ADD2: variants seen among roughly 807,000 people sequenced by gnomAD.
ADD2 encodes the protein adducin 2, also known as beta-adducin.
ADD2 carries 23 observed loss-of-function variants against 83.0 expected under a neutral mutation model. That is an observed-to-expected ratio of 0.28 (90% CI 0.20 to 0.39). The LOEUF is 0.39. Ranked by LOEUF, ADD2 falls within the 10% of genes least tolerant of loss-of-function variation. The pLI, the probability that ADD2 is intolerant of heterozygous loss-of-function variation, is 1.00. For missense variants in ADD2, 758 were observed against 944.9 expected (o/e 0.80, Z 2.59); for synonymous variants, 375 against 375.4 (o/e 1.00, Z 0.01).
At chr2:70,761,703 G>A (rs535921211) in intron 1 of ADD2, among the ~76,000 whole-genome samples, 50 of 147,012 alleles carry the variant, frequency 3.4e-4, no homozygotes, top group Non-Finnish European at 7.0e-4. Flanking sequence ...ACAGAGTATC[G>A]TTCTGTTGCT....
Position 70,677,813 on chromosome 2 carries a change from T to C in ADD2, c.1448A>G (p.Asn483Ser). Residue 483 changes from asparagine (N) to serine (S), a missense_variant, in exon 12 of 16, where the codon AAC becomes AGC. Physicochemically the swap from Asn to Ser is conservative, Grantham distance 46. Coordinates refer to ENST00000264436, the MANE Select transcript of ADD2 (RefSeq NM_001617.4). Reference protein sequence around the residue: ...SGMPIRIENPNQFVPLYTDPQ... With the variant: ...SGMPIRIENPSQFVPLYTDPQ... ...GTCAGTATAGAGAGGCACAAATTGG[T>C]TTGGGTTTTCGATGCGAATCGGCAT... 6.2e-7 allele frequency: 1 copy of C among 1,614,188 alleles called. No individual in the cohort carries two copies.
intron 9 of ADD2, 150 bp from the exon 10 acceptor site, chr2:70,683,917 C>A (rs1297987934): frequency 2.6e-6 from 2 of 763,430 alleles, no homozygotes; most frequent in Non-Finnish European, 3.9e-6. Flanking sequence ...ATGGGCATGC[C>A]CCCATTTCCA....
chr2:70,667,122 C>T (rs1187399348), intron 15 of ADD2, among the ~76,000 whole-genome samples: 1 of 152,166 alleles, frequency 6.6e-6, no homozygotes, highest in Non-Finnish European at 1.5e-5. Context: ...GATGGGAACT[C>T]ACCTTCTAGC....
intron 13 of ADD2, chr2:70,675,351 C>T: frequency 1.0e-6 from 1 of 986,410 alleles, no homozygotes; most frequent in Non-Finnish European, 1.2e-6. Context: ...AGTCCTGTTT[C>T]ACACACAGTT....
intron 4 of ADD2, 58 bp downstream of exon 4, chr2:70,704,263 T>TTCCCC: frequency 2.2e-6 from 2 of 913,238 alleles, no homozygotes; most frequent in East Asian, 2.9e-5. Flanking sequence ...CTCCCTCTCT[T>TTCCCC]CCCCACCCCA....
chr2:70,679,259 T>A (rs1670338309), intron 10 of ADD2, among the ~76,000 whole-genome samples: 1 of 152,090 alleles, frequency 6.6e-6, no homozygotes, highest in African/African-American at 2.4e-5. Flanking sequence ...AGCCACAGAT[T>A]TCCTCTGGTC....
At chr2:70,730,611 A>G (rs2104465410) in intron 1 of ADD2, among the ~76,000 whole-genome samples, 1 of 152,344 alleles carries the variant, frequency 6.6e-6, no homozygotes, top group African/African-American at 2.4e-5. Context: ...CTGAAGTTCA[A>G]TCATTTGAAG....
At chr2:70,735,882 T>A (rs3064844) in intron 1 of ADD2, among the ~76,000 whole-genome samples, 1 of 140,630 alleles carries the variant, frequency 7.1e-6, no homozygotes, top group African/African-American at 2.9e-5. Context: ...TTTTTTTTTT[T>A]AGTAAAGATG....
chr2:70,736,998 A>G (rs1444168141), intron 1 of ADD2, among the ~76,000 whole-genome samples: 1 of 152,210 alleles, frequency 6.6e-6, no homozygotes, highest in Non-Finnish European at 1.5e-5. Flanking sequence ...TGGCCATCAG[A>G]GAAATGCAAA....
chr2:70,687,834 C>T (rs536800038), intron 9 of ADD2, among the ~76,000 whole-genome samples, 190 bp downstream of exon 9: 1 of 152,290 alleles, frequency 6.6e-6, no homozygotes, highest in African/African-American at 2.4e-5. Flanking sequence ...TTTTTCAAAG[C>T]CACAGAACTA....
At chr2:70,695,658 T>C (rs1425268579) in intron 6 of ADD2, 63 bp downstream of exon 6, 1 of 1,496,882 alleles carries the variant, frequency 6.7e-7, no homozygotes, top group Non-Finnish European at 9.3e-7. Flanking sequence ...CCTAGCACTG[T>C]GGGAACAGAG....
intron 2 of ADD2, among the ~76,000 whole-genome samples, chr2:70,712,469 A>AAAT: frequency 6.6e-6 from 1 of 151,798 alleles, no homozygotes; most frequent in Admixed American, 6.6e-5. Context: ...ATAAAAAAAA[A>AAAT]AAAAAAGAAA....
chr2:70,661,585 G>C lies in ADD2; in HGVS notation c.*1840C>G, dbSNP rs1188890860. Reference sequence around the variant, plus strand: ...CCTTCTCAAGAAATAGCCAACTATGGATGGTATTTCCCGCCCCAACCAGAA... The same window carrying C: ...CCTTCTCAAGAAATAGCCAACTATGCATGGTATTTCCCGCCCCAACCAGAA... On this transcript the variant is annotated 3_prime_UTR_variant, in exon 16 of 16. Transcript: ENST00000264436. 6.6e-6 allele frequency: 1 copy of C among 152,146 alleles called. No homozygotes were observed. Among genetic ancestry groups the C allele is most frequent in the African/African-American group, 2.4e-5 (1 of 41,424 alleles). 9.4% of individuals were successfully genotyped at this position (152,146 alleles called of 1,614,324 possible). A position where few individuals can be genotyped will look rare whatever the true frequency, so the allele number is the denominator to read the frequency against.
At chr2:70,713,241 G>A in intron 1 of ADD2, 57 bp from the exon 2 acceptor site, 1 of 693,346 alleles carries the variant, frequency 1.4e-6, no homozygotes, top group Non-Finnish European at 1.8e-6. Flanking sequence ...CTCTTCACCT[G>A]ATTTATAAGA....
chr2:70,660,691 T>G lies in ADD2; in HGVS notation c.*2734A>C, dbSNP rs1370532469. The stretch of plus-strand genomic sequence containing the variant: ...TCATGCTCTGGCAATGCCACGTTGC[T>G]CAGCGGAACCCATCATGGCATTTCA... On this transcript the variant is annotated 3_prime_UTR_variant, in exon 16 of 16. Coordinates refer to ENST00000264436, the MANE Select transcript of ADD2 (RefSeq NM_001617.4). 2 of 152,288 alleles carry G rather than the reference T, an allele frequency of 1.3e-5. No individual in the cohort carries two copies. The highest frequency in any genetic ancestry group is 2.4e-5 in the African/African-American group (1 of 41,476). 9.4% of individuals were successfully genotyped at this position (152,288 alleles called of 1,614,324 possible).
intron 6 of ADD2, among the ~76,000 whole-genome samples, chr2:70,694,316 G>C (rs1671200153): frequency 6.6e-6 from 1 of 152,170 alleles, no homozygotes; most frequent in African/African-American, 2.4e-5. Context: ...CCAGCTTGCT[G>C]TAATAACCCC....
intron 1 of ADD2, among the ~76,000 whole-genome samples, chr2:70,746,635 G>A (rs1243128233): frequency 6.6e-6 from 1 of 152,204 alleles, no homozygotes; most frequent in Non-Finnish European, 1.5e-5. Context: ...GGTAGGATGG[G>A]AAAACACTGG....
intron 2 of ADD2, chr2:70,711,271 T>C (rs1672162670): frequency 6.6e-6 from 1 of 152,118 alleles, no homozygotes; most frequent in Non-Finnish European, 1.5e-5. Flanking sequence ...CAAAAGACAG[T>C]AGGAATGTCT....
Position 70,660,344 on chromosome 2 carries a change from T to C in ADD2, c.*3081A>G, listed in dbSNP as rs1364069967. ...CCAAAGACTTTTATGGAAATAAATTTTGTGTTGGAAACTCACTATCTGCTG... is the reference window on the plus strand; with the variant it reads ...CCAAAGACTTTTATGGAAATAAATTCTGTGTTGGAAACTCACTATCTGCTG... On this transcript the variant is annotated 3_prime_UTR_variant, in exon 16 of 16. Coordinates refer to ENST00000264436, the MANE Select transcript of ADD2 (RefSeq NM_001617.4). 1.3e-5 allele frequency: 2 copies of C among 152,230 alleles called. No homozygotes were observed. The highest frequency in any genetic ancestry group is 4.8e-5 in the African/African-American group (2 of 41,456). The allele number at this position is 152,230 out of a possible 1,614,324, so 9.4% of individuals were successfully genotyped here. A position where few individuals can be genotyped will look rare whatever the true frequency, so the allele number is the denominator to read the frequency against.
Sources: allele counts gnomAD v4.1 joint callset (sites outside exome capture counted in the v4.1 genomes callset), GRCh38; gene constraint gnomAD v4.1.1; transcripts MANE v1.5; gene names NCBI Gene and HGNC (gene_info 2026-07-23, HGNC 2026-07-21).